DNAH14: variants seen among roughly 807,000 people sequenced by gnomAD.
DNAH14 encodes the protein axonemal beta dynein heavy chain 14.
Under a neutral mutation model 520.9 loss-of-function variants are expected in DNAH14, and 478 were observed. The observed-to-expected ratio is 0.92, with a 90% CI of 0.85 to 0.99. The LOEUF (loss-of-function observed/expected upper bound fraction) is 0.99, where lower values mean the gene tolerates loss of function less well. Among genes scored for constraint, DNAH14 ranks in the 50% least tolerant of loss-of-function variants. DNAH14 has a pLI of 0.00. For missense variants in DNAH14, 4,831 were observed against 5,234.5 expected (o/e 0.92, Z 2.38); for synonymous variants, 1,581 against 1,757.2 (o/e 0.90, Z 2.51).
chr1:225,388,103 G>A (rs746921856), intron 81 of DNAH14, among the ~76,000 whole-genome samples: 1 of 152,090 alleles, frequency 6.6e-6, no homozygotes, highest in Admixed American at 6.5e-5. Flanking sequence ...AGGAAAGGAG[G>A]TGAGGAAATG....
At chr1:225,314,079 C>G (rs1290751829) in intron 60 of DNAH14, among the ~76,000 whole-genome samples, 1 of 152,160 alleles carries the variant, frequency 6.6e-6, no homozygotes, top group Non-Finnish European at 1.5e-5. Flanking sequence ...GTCTAAGTCT[C>G]TCTGTAGGTC....
In DNAH14 at chr1:225,039,907, C is replaced by G. The variant is rs535622848; in HGVS notation, c.1488+1084C>G. 1.4e-3 allele frequency among the ~76,000 whole-genome samples: 202 copies of G among 143,912 alleles called. 2 individuals are homozygous for G. Among genetic ancestry groups the G allele is most frequent in the Non-Finnish European group, 2.0e-3 (134 of 66,024 alleles). The allele number at this position is 143,912 out of a possible 152,430, so 94.4% of individuals were successfully genotyped here. A position where few individuals can be genotyped will look rare whatever the true frequency, so the allele number is the denominator to read the frequency against. On this transcript the variant is annotated intron_variant, in intron 12 of 85. Coordinates refer to ENST00000682510, the MANE Select transcript of DNAH14 (RefSeq NM_001367479.1). ...AAAAAAAAAAAAAAAAAAAAGTAGC[C>G]TTGTGTAATATGGCCTTTATAGTTA...
At chr1:225,256,324 G>A (rs2149735054) in intron 44 of DNAH14, among the ~76,000 whole-genome samples, 1 of 152,296 alleles carries the variant, frequency 6.6e-6, no homozygotes, top group South Asian at 2.1e-4. Flanking sequence ...TCATCCAGAA[G>A]TTACCACAGT....
intron 38 of DNAH14, among the ~76,000 whole-genome samples, chr1:225,194,076 T>G (rs914334079): frequency 8.5e-5 from 13 of 152,126 alleles, no homozygotes; most frequent in Non-Finnish European, 1.9e-4. Context: ...AAACATTCCA[T>G]GGTCATGGAT....
chr1:225,151,851 C>A (rs750404822), intron 31 of DNAH14, 154 bp from the exon 32 acceptor site: 7 of 745,524 alleles, frequency 9.4e-6, no homozygotes, highest in South Asian at 3.0e-5. Flanking sequence ...CCTCCTATTT[C>A]TTCTTTTTTC....
chr1:225,398,736 T>G (rs1339044493), intron 85 of DNAH14, 70 bp downstream of exon 85: 1 of 1,500,934 alleles, frequency 6.7e-7, no homozygotes, highest in Non-Finnish European at 8.9e-7. Context: ...CAAACCACTC[T>G]TATTCCCATT....
chr1:225,140,667 T>C, intron 27 of DNAH14, 101 bp from the exon 28 acceptor site: 1 of 997,476 alleles, frequency 1.0e-6, no homozygotes, highest in African/African-American at 1.6e-5. Context: ...ACACACCACA[T>C]AAACTTTATG....
chr1:225,122,982 T>C (rs1460589641), intron 26 of DNAH14, among the ~76,000 whole-genome samples: 1 of 152,170 alleles, frequency 6.6e-6, no homozygotes, highest in African/African-American at 2.4e-5. Context: ...AAATGTATCA[T>C]TGACCGATTT....
intron 23 of DNAH14, 89 bp downstream of exon 23, chr1:225,100,973 C>T (rs1432190392): frequency 1.8e-6 from 2 of 1,093,188 alleles, no homozygotes; most frequent in Non-Finnish European, 2.5e-6. Flanking sequence ...AAGCTAATTC[C>T]AGTGCAGATT....
chr1:224,935,660 A>G (rs890882722), intron 1 of DNAH14, among the ~76,000 whole-genome samples: 1 of 151,912 alleles, frequency 6.6e-6, no homozygotes, highest in Non-Finnish European at 1.5e-5. Flanking sequence ...CAGATTATCT[A>G]GACAGAAAAT....
chr1:225,203,980 G>A (rs2087202910), intron 38 of DNAH14, among the ~76,000 whole-genome samples: 1 of 152,142 alleles, frequency 6.6e-6, no homozygotes, highest in Non-Finnish European at 1.5e-5. Context: ...AGAAACCAAA[G>A]TAAAATAGTT....
intron 41 of DNAH14, among the ~76,000 whole-genome samples, chr1:225,225,483 A>G (rs796783669): frequency 1.1e-4 from 17 of 152,302 alleles, no homozygotes; most frequent in African/African-American, 4.1e-4. Flanking sequence ...CCCACATAGA[A>G]CATCCAACAT....
chr1:225,320,672 A>G (rs1046192295), intron 61 of DNAH14, among the ~76,000 whole-genome samples: 2 of 152,236 alleles, frequency 1.3e-5, no homozygotes, highest in Admixed American at 6.5e-5. Context: ...GCCCCATGAT[A>G]CTTTCATCCT....
intron 11 of DNAH14, among the ~76,000 whole-genome samples, chr1:225,024,967 T>C (rs1440836104): frequency 1.3e-5 from 2 of 152,170 alleles, no homozygotes; most frequent in Non-Finnish European, 2.9e-5. Flanking sequence ...TTTTCCATTG[T>C]TGTAATCCTA....
chr1:225,166,699 A>T (rs920703335), intron 35 of DNAH14, among the ~76,000 whole-genome samples: 1 of 152,214 alleles, frequency 6.6e-6, no homozygotes, highest in African/African-American at 2.4e-5. Flanking sequence ...ACTTATTTAC[A>T]TATCTGTCTC....
At chr1:225,181,268 G>A (rs2083960234) in intron 36 of DNAH14, among the ~76,000 whole-genome samples, 1 of 152,182 alleles carries the variant, frequency 6.6e-6, no homozygotes, top group Non-Finnish European at 1.5e-5. Context: ...TTGCTACTAT[G>A]AATAGTGCTT....
chr1:225,151,336 T>TG (rs143201068), intron 31 of DNAH14, among the ~76,000 whole-genome samples: 18,394 of 151,398 alleles, frequency 0.12, 1,456 homozygotes, highest in South Asian at 0.2. Context: ...TAGTTGGGGG[T>TG]GGGGGGGTCA....
Position 225,318,597 on chromosome 1 carries a change from A to T in DNAH14, c.9255A>T (p.Glu3085Asp), listed in dbSNP as rs574259435. Reference protein sequence around the residue: ...VEDYAQKTANELKSVLPAFDK... With the variant: ...VEDYAQKTANDLKSVLPAFDK... The stretch of plus-strand genomic sequence containing the variant: ...TTTTATTGCAGAAAACTGCCAATGA[A>T]CTAAAAAGTGTGCTGCCAGCCTTTG... Residue 3085 changes from glutamate (E) to aspartate (D), a missense_variant, in exon 61 of 86, where the codon GAA (glutamate) becomes GAT (aspartate). Coordinates refer to ENST00000682510, the MANE Select transcript of DNAH14 (RefSeq NM_001367479.1). The T allele has an allele frequency of 6.5e-7, 1 of 1,547,212 alleles. No homozygotes were observed. Among genetic ancestry groups the T allele is most frequent in the South Asian group, 1.2e-5 (1 of 82,650 alleles).
At chr1:225,320,017 T>C (rs2094532052) in intron 61 of DNAH14, among the ~76,000 whole-genome samples, 1 of 152,220 alleles carries the variant, frequency 6.6e-6, no homozygotes. Flanking sequence ...GCCCCTCATG[T>C]ACCTCATGAC....
Sources: allele counts gnomAD v4.1 joint callset (sites outside exome capture counted in the v4.1 genomes callset), GRCh38; gene constraint gnomAD v4.1.1; transcripts MANE v1.5; gene names NCBI Gene and HGNC (gene_info 2026-07-23, HGNC 2026-07-21).